Variants in VCAM1 observed in about 807,000 individuals in gnomAD.
VCAM1 encodes the protein vascular cell adhesion molecule 1, also known as vascular cell adhesion protein 1.
A neutral mutation model predicts 63.8 loss-of-function variants in VCAM1; 41 were observed. The ratio of observed to expected loss-of-function variants is 0.64; its 90% CI spans 0.50 to 0.83. The LOEUF is 0.83. Among genes scored for constraint, VCAM1 ranks in the 40% least tolerant of loss-of-function variants. The probability of loss-of-function intolerance (pLI) is 0.00; values close to 1 mark genes in which losing one functional copy is unlikely to be tolerated. For missense variants in VCAM1, 798 were observed against 875.5 expected, an observed-to-expected ratio of 0.91 and a Z score of 1.12; for synonymous variants, 338 against 320.7, an observed-to-expected ratio of 1.05 and a Z score of -0.58.
intron 4 of VCAM1, 147 bp downstream of exon 4, chr1:100,725,037 A>G (rs1660113092): frequency 2.8e-6 from 3 of 1,085,478 alleles, no homozygotes; most frequent in Non-Finnish European, 3.9e-6. Flanking sequence ...ATATATGTTT[A>G]TCTTACTAGT....
chr1:100,721,734 T>C (rs1659963299), intron 2 of VCAM1, among the ~76,000 whole-genome samples: 1 of 152,082 alleles, frequency 6.6e-6, no homozygotes, highest in African/African-American at 2.4e-5. Flanking sequence ...TGGTTGTATG[T>C]GCATAGTTTA....
intron 4 of VCAM1, among the ~76,000 whole-genome samples, chr1:100,728,793 T>TCC (rs1660275078): frequency 6.6e-6 from 1 of 151,606 alleles, no homozygotes; most frequent in South Asian, 2.1e-4. Flanking sequence ...TGAGTGATTG[T>TCC]CCACTCTTAC....
chr1:100,723,110 C>G lies in VCAM1; in HGVS notation c.431C>G (p.Pro144Arg). Reference protein sequence around the residue: ...TVKCSVADVYPFDRLEIDLLK... With the variant: ...TVKCSVADVYRFDRLEIDLLK... ...AAGTGTTCAGTTGCTGATGTATACC[C>G]ATTTGACAGGCTGGAGATAGACTTA... The change falls in exon 3 of 9, where the codon CCA becomes CGA. Residue 144 changes from proline (P) to arginine (R), a missense_variant. Transcript: ENST00000294728. 1.2e-6 allele frequency: 2 copies of G among 1,613,064 alleles called. 1 individual carries two copies. The highest frequency in any genetic ancestry group is 1.7e-6 in the Non-Finnish European group (2 of 1,179,428).
Position 100,732,586 on chromosome 1 carries a change from C to T in VCAM1, c.1694C>T (p.Thr565Ile), listed in dbSNP as rs751269288. The T allele has an allele frequency of 1.2e-6, 2 of 1,613,300 alleles. No homozygotes were observed. Among genetic ancestry groups the T allele is most frequent in the South Asian group, 1.1e-5 (1 of 90,850 alleles). ...LQPLSENATL[T>I]LISTKMEDSG... ...CCTCTTTCTGAGAATGCAACTCTCACCTTAATTTCTACAAAAATGGAAGAT... is the reference window on the plus strand; with the variant it reads ...CCTCTTTCTGAGAATGCAACTCTCATCTTAATTTCTACAAAAATGGAAGAT... The change falls in exon 7 of 9, where the codon ACC becomes ATC. Residue 565 changes from threonine (T) to isoleucine (I), a missense_variant. Thr to Ile is a moderately conservative substitution (Grantham distance 89, BLOSUM62 -1). Transcript: ENST00000294728.
Position 100,730,087 on chromosome 1 carries a change from A to AT in VCAM1, c.1204+714dup, listed in dbSNP as rs3917054. On this transcript the variant is annotated intron_variant, in intron 5 of 8. Transcript: ENST00000294728. ...AAATATGCAAAGTGACCATAAAGTT[A>AT]TTTTTTTTTGAGGGGGTCACTCTGC... is the stretch of plus-strand genomic sequence containing the variant. 2.2e-3 allele frequency among the ~76,000 whole-genome samples: 328 copies of AT among 151,440 alleles called. 1 individual carries two copies. The highest frequency in any genetic ancestry group is 7.6e-3 in the African/African-American group (314 of 41,286).
At chr1:100,732,789 T>C (rs1315947986) in intron 7 of VCAM1, 105 bp downstream of exon 7, 6 of 1,293,008 alleles carry the variant, frequency 4.6e-6, no homozygotes, top group South Asian at 1.7e-5. Context: ...TACAAAAGTG[T>C]GATGAGGGTT....
intron 4 of VCAM1, among the ~76,000 whole-genome samples, chr1:100,727,200 A>G (rs914765427): frequency 2.0e-5 from 3 of 151,932 alleles, no homozygotes; most frequent in African/African-American, 7.3e-5. Flanking sequence ...AGGAAATGAG[A>G]TCTTGCTATG....
chr1:100,720,678 C>T lies in VCAM1; in HGVS notation c.267C>T (p.Asn89=), dbSNP rs770802358. The change falls in exon 2 of 9, where the codon AAC becomes AAT. Residue 89 remains asparagine (N), a synonymous_variant. Transcript: ENST00000294728. The part of the protein sequence containing the change: ...TLTMNPVSFG[N]EHSYLCTATC... ...CAATGAATCCTGTTAGTTTTGGGAA[C>T]GAACACTCTTACCTGTGCACAGCAA... 1.4e-5 allele frequency: 23 copies of T among 1,613,000 alleles called. No homozygotes were observed. The highest frequency in any genetic ancestry group is 8.0e-5 in the African/African-American group (6 of 74,798).
At chr1:100,723,938 T>C (rs1302219597) in intron 3 of VCAM1, among the ~76,000 whole-genome samples, 3 of 152,036 alleles carry the variant, frequency 2.0e-5, no homozygotes, top group Admixed American at 1.3e-4. Context: ...TAAAATGCTA[T>C]GTTCTGCACT....
In VCAM1 at chr1:100,719,761, T is replaced by C; in HGVS notation, c.-100T>C. The C allele has an allele frequency of 8.2e-7, 1 of 1,215,874 alleles. No individual in the cohort carries two copies. The highest frequency in any genetic ancestry group is 1.2e-6 in the Non-Finnish European group (1 of 858,840). The allele number at this position is 1,215,874 out of a possible 1,614,324, so 75.3% of individuals were successfully genotyped here. A position where few individuals can be genotyped will look rare whatever the true frequency, so the allele number is the denominator to read the frequency against. ...CACTCCGCGGTATCTGCATCGGGCCTCACTGGCTTCAGGAGCTGAATACCC... is the reference window on the plus strand; with the variant it reads ...CACTCCGCGGTATCTGCATCGGGCCCCACTGGCTTCAGGAGCTGAATACCC... On this transcript the variant is annotated 5_prime_UTR_variant, in exon 1 of 9. Transcript: ENST00000294728.
intron 4 of VCAM1, among the ~76,000 whole-genome samples, chr1:100,726,351 G>T (rs994298029): frequency 3.3e-5 from 5 of 151,962 alleles, no homozygotes; most frequent in African/African-American, 1.2e-4. Context: ...TGCTCCCAGG[G>T]TTTATTACCT....
chr1:100,728,762 A>T (rs548985410), intron 4 of VCAM1, among the ~76,000 whole-genome samples: 54 of 151,218 alleles, frequency 3.6e-4, no homozygotes, highest in African/African-American at 1.3e-3. Context: ...TGCTTGACAC[A>T]CAAGAACCAC....
rs756838734 is a variant in VCAM1, at chr1:100,732,473, C to G, written c.1581C>G (p.Gly527=). 3 of 1,610,650 alleles carry G rather than the reference C, an allele frequency of 1.9e-6. No individual in the cohort carries two copies. The highest frequency in any genetic ancestry group is 1.1e-5 in the South Asian group (1 of 90,194). The change falls in exon 7 of 9, where the codon GGC becomes GGG. Residue 527 remains glycine, a synonymous_variant. Transcript: ENST00000294728. ...GCCCTTCCTCCATCCTGGAGGAAGG[C>G]AGTTCTGTGAATATGACATGCTTGA... The part of the protein sequence containing the change: ...LVSPSSILEE[G]SSVNMTCLSQ...
Position 100,729,364 on chromosome 1 carries a change from A to G in VCAM1, c.1186A>G (p.Ile396Val), listed in dbSNP as rs1410044261. Residue 396 changes from isoleucine to valine, a missense_variant, in exon 5 of 9, where the codon ATC (isoleucine) becomes GTC (valine). By Grantham distance (29) the Ile-to-Val change is conservative (BLOSUM62 3). Transcript: ENST00000294728. ...TGGACATAAGAAACTGGAAAAGGGA[A>G]TCCAGGTGGAGCTCTACTGTAAGTG... ...TCGHKKLEKGIQVELYSFPRD... is the reference protein window; with the variant it reads ...TCGHKKLEKGVQVELYSFPRD... 6.2e-7 allele frequency: 1 copy of G among 1,606,050 alleles called. No individual in the cohort carries two copies. Among genetic ancestry groups the G allele is most frequent in the East Asian group, 2.2e-5 (1 of 44,636 alleles).
chr1:100,728,900 A>G (rs1210163439), intron 4 of VCAM1, among the ~76,000 whole-genome samples: 1 of 152,084 alleles, frequency 6.6e-6, no homozygotes. Flanking sequence ...AATTTGTTAA[A>G]TGAATGAATC....
In VCAM1 at chr1:100,729,291, C is replaced by A; in HGVS notation, c.1113C>A (p.Ser371Arg). The change falls in exon 5 of 9, where the codon AGC (serine) becomes AGA (arginine). Residue 371 changes from serine to arginine, a missense_variant. By Grantham distance (110) the Ser-to-Arg change is moderately radical. Transcript: ENST00000294728. Reference protein sequence around the residue: ...SEGTNSTLTLSPVSFENEHSY... With the variant: ...SEGTNSTLTLRPVSFENEHSY... ...GGACCAATTCCACGCTGACCCTGAG[C>A]CCTGTGAGTTTTGAGAACGAACACT... 6.2e-7 allele frequency: 1 copy of A among 1,613,512 alleles called. No individual in the cohort carries two copies. Among genetic ancestry groups the A allele is most frequent in the Non-Finnish European group, 8.5e-7 (1 of 1,179,676 alleles).
chr1:100,722,003 T>TG (rs1192838177), intron 2 of VCAM1, among the ~76,000 whole-genome samples: 1 of 152,116 alleles, frequency 6.6e-6, no homozygotes, highest in Non-Finnish European at 1.5e-5. Flanking sequence ...AAGACGCTTC[T>TG]GGTTTTAATT....
At chr1:100,720,782 C>A in intron 2 of VCAM1, 31 bp downstream of exon 2, 2 of 1,555,822 alleles carry the variant, frequency 1.3e-6, no homozygotes, top group Admixed American at 2.1e-5. Context: ...TTGTTTTTCT[C>A]TCAATTTTAC....
At chr1:100,729,467 A>C in intron 5 of VCAM1, 85 bp downstream of exon 5, 2 of 1,446,612 alleles carry the variant, frequency 1.4e-6, no homozygotes, top group Non-Finnish European at 1.8e-6. Flanking sequence ...AGTGCAATGA[A>C]ATCCTTATGT....
Sources: allele counts gnomAD v4.1 joint callset (sites outside exome capture counted in the v4.1 genomes callset), GRCh38; gene constraint gnomAD v4.1.1; transcripts MANE v1.5; gene names NCBI Gene and HGNC (gene_info 2026-07-23, HGNC 2026-07-21).